The following HECW2 variants were observed in gnomAD, a reference collection of about 807,000 sequenced individuals.
The protein encoded by HECW2 is E3 ubiquitin-protein ligase HECW2.
HECW2 carries 61 observed loss-of-function variants against 175.2 expected under a neutral mutation model. The ratio of observed to expected loss-of-function variants is 0.35; its 90% CI spans 0.28 to 0.43. HECW2 has a LOEUF of 0.43. Ranked by LOEUF, HECW2 falls within the 20% of genes least tolerant of loss-of-function variation. The pLI is 1.00. For missense variants in HECW2, 1,524 were observed against 2,000.5 expected (o/e 0.76, Z 4.54); for synonymous variants, 671 against 731.0 (o/e 0.92, Z 1.32).
At chr2:196,417,468 C>T (rs974212738) in intron 2 of HECW2, among the ~76,000 whole-genome samples, 1 of 152,182 alleles carries the variant, frequency 6.6e-6, no homozygotes, top group African/African-American at 2.4e-5. Context: ...TTTTTAGAGA[C>T]AGGCTCTTGC....
intron 21 of HECW2, among the ~76,000 whole-genome samples, chr2:196,234,031 A>G (rs141677769): frequency 1.3e-5 from 2 of 152,310 alleles, no homozygotes; most frequent in Non-Finnish European, 2.9e-5. Flanking sequence ...CTGCTTGTAC[A>G]CATCTCCACC....
intron 1 of HECW2, among the ~76,000 whole-genome samples, chr2:196,514,136 C>G (rs775481307): frequency 6.6e-6 from 1 of 152,240 alleles, no homozygotes; most frequent in Admixed American, 6.5e-5. Context: ...AGCTCCCCAA[C>G]CCCATAGTCT....
At chr2:196,358,358 G>A (rs562959341) in intron 2 of HECW2, among the ~76,000 whole-genome samples, 1 of 84,862 alleles carries the variant, frequency 1.2e-5, no homozygotes, top group South Asian at 3.4e-4. Flanking sequence ...TGGATCACTT[G>A]AGTACTTGAG....
intron 1 of HECW2, among the ~76,000 whole-genome samples, chr2:196,569,149 C>A (rs949542942): frequency 7.2e-5 from 11 of 152,050 alleles, no homozygotes; most frequent in Non-Finnish European, 1.3e-4. Flanking sequence ...CCAGCCTGGG[C>A]AACATAGTGA....
At chr2:196,565,554 A>G (rs373560597) in intron 1 of HECW2, among the ~76,000 whole-genome samples, 19 of 152,312 alleles carry the variant, frequency 1.2e-4, no homozygotes, top group African/African-American at 4.6e-4. Flanking sequence ...AGACTGCTTT[A>G]ACCACATTAA....
At chr2:196,431,745 TA>T (rs1249058810) in intron 2 of HECW2, among the ~76,000 whole-genome samples, 2 of 152,206 alleles carry the variant, frequency 1.3e-5, no homozygotes, top group African/African-American at 4.8e-5. Context: ...AAAACACACT[TA>T]GGGAAAATGC....
At chr2:196,336,183 G>T (rs1692544262) in intron 3 of HECW2, among the ~76,000 whole-genome samples, 1 of 152,168 alleles carries the variant, frequency 6.6e-6, no homozygotes, top group Admixed American at 6.5e-5. Context: ...CTATTACTTT[G>T]CCTCCCTGAG....
intron 23 of HECW2, among the ~76,000 whole-genome samples, chr2:196,223,054 C>A (rs1309251962): frequency 6.6e-6 from 1 of 152,046 alleles, no homozygotes; most frequent in African/African-American, 2.4e-5. Context: ...CCCCTTAACC[C>A]AATTTTAAGG....
intron 1 of HECW2, among the ~76,000 whole-genome samples, chr2:196,498,201 T>A (rs541098865): frequency 3.3e-5 from 5 of 152,350 alleles, no homozygotes; most frequent in African/African-American, 1.2e-4. Context: ...AACTGAAACT[T>A]ATATAAATCT....
intron 4 of HECW2, 31 bp downstream of exon 4, chr2:196,334,393 C>T (rs746810715): frequency 1.3e-6 from 2 of 1,536,520 alleles, no homozygotes; most frequent in Non-Finnish European, 1.8e-6. Context: ...GCATGGATCT[C>T]ACAAGGAAGC....
intron 2 of HECW2, among the ~76,000 whole-genome samples, chr2:196,373,840 G>A (rs1002667020): frequency 7.9e-5 from 12 of 151,946 alleles, no homozygotes; most frequent in Admixed American, 6.6e-4. Context: ...AGACCATCCC[G>A]GCTAAAACGG....
intron 21 of HECW2, chr2:196,240,138 GTT>G (rs921118228): frequency 4.6e-5 from 9 of 197,120 alleles, no homozygotes; most frequent in Admixed American, 2.3e-4. Flanking sequence ...GCAATTCCTT[GTT>G]TTTTTTCCTT....
chr2:196,241,394 C>T (rs991286707), intron 20 of HECW2, among the ~76,000 whole-genome samples: 1 of 152,150 alleles, frequency 6.6e-6, no homozygotes, highest in Non-Finnish European at 1.5e-5. Flanking sequence ...AGCCATGGGG[C>T]TGCTGTTGGT....
rs1214672261 is a variant in HECW2, at chr2:196,222,313, G to A, written c.4044C>T (p.Tyr1348=). The change falls in exon 24 of 29, where the codon TAC becomes TAT. Residue 1348 remains tyrosine (Y), a synonymous_variant. Coordinates refer to ENST00000644978, the MANE Select transcript of HECW2 (RefSeq NM_001348768.2). ...RILCDLSDLE[Y]LDEEFHQSLQ... Reference sequence around the variant, plus strand: ...GGCTCTGATGGAACTCTTCATCAAGGTATTCTAGGTCACTCAGGTCACATA... The same window carrying A: ...GGCTCTGATGGAACTCTTCATCAAGATATTCTAGGTCACTCAGGTCACATA... The A allele has an allele frequency of 1.2e-6, 2 of 1,613,442 alleles. No homozygotes were observed. Among genetic ancestry groups the A allele is most frequent in the African/African-American group, 2.7e-5 (2 of 74,860 alleles).
intron 1 of HECW2, among the ~76,000 whole-genome samples, chr2:196,465,984 A>G (rs982916960): frequency 1.1e-4 from 17 of 152,192 alleles, no homozygotes; most frequent in Admixed American, 3.9e-4. Context: ...CTACAAAGTT[A>G]TGTTCACATC....
chr2:196,232,750 T>G (rs1688102374), intron 21 of HECW2, among the ~76,000 whole-genome samples: 1 of 152,220 alleles, frequency 6.6e-6, no homozygotes, highest in Admixed American at 6.5e-5. Context: ...TTTATGATGA[T>G]AGCTGAATCT....
At chr2:196,371,005 AT>A (rs1693893450) in intron 2 of HECW2, among the ~76,000 whole-genome samples, 2 of 152,076 alleles carry the variant, frequency 1.3e-5, no homozygotes, top group South Asian at 4.1e-4. Flanking sequence ...TGCTCATCTG[AT>A]TTTTGGTTCT....
chr2:196,553,337 T>C (rs1689667054), intron 1 of HECW2, among the ~76,000 whole-genome samples: 1 of 152,242 alleles, frequency 6.6e-6, no homozygotes, highest in Non-Finnish European at 1.5e-5. Context: ...AACTTCCCTG[T>C]AACCTGTGGG....
chr2:196,364,194 A>T (rs1224526029), intron 2 of HECW2, among the ~76,000 whole-genome samples: 1 of 152,096 alleles, frequency 6.6e-6, no homozygotes, highest in East Asian at 1.9e-4. Context: ...ATACCACTTT[A>T]CCTGCGCTCT....
Sources: allele counts gnomAD v4.1 joint callset (sites outside exome capture counted in the v4.1 genomes callset), GRCh38; gene constraint gnomAD v4.1.1; transcripts MANE v1.5; gene names NCBI Gene and HGNC (gene_info 2026-07-23, HGNC 2026-07-21).